PFDN1: variants seen among roughly 807,000 people sequenced by gnomAD.
The protein encoded by PFDN1 is prefoldin subunit 1.
Under a neutral mutation model 17.3 loss-of-function variants are expected in PFDN1, and 6 were observed. That is an observed-to-expected ratio of 0.35 (90% CI 0.19 to 0.69). The LOEUF is 0.69. PFDN1 is among the 30% of genes least tolerant of loss of function. The probability of loss-of-function intolerance (pLI) is 0.65; values close to 1 mark genes in which losing one functional copy is unlikely to be tolerated. For synonymous variants in PFDN1, 58 were observed against 50.1 expected, an observed-to-expected ratio of 1.16 and a Z score of -0.67; for missense variants, 113 against 146.2, an observed-to-expected ratio of 0.77 and a Z score of 1.17.
intron 1 of PFDN1, among the ~76,000 whole-genome samples, chr5:140,300,941 A>G (rs1350214554): frequency 6.6e-6 from 1 of 152,216 alleles, no homozygotes; most frequent in Non-Finnish European, 1.5e-5. Context: ...GTATTGCACA[A>G]TTAGGTTTCA....
rs1246326995 is a variant in PFDN1 at position 140,273,748 on chromosome 5, G to A, written c.285+7701C>T. ...CTGCATCAGAAGTGGCGCTAAGCACGCCAGACTGTCCTAGGTTTCCTTATT... is the reference window on the plus strand; with the variant it reads ...CTGCATCAGAAGTGGCGCTAAGCACACCAGACTGTCCTAGGTTTCCTTATT... On this transcript the variant is annotated intron_variant, in intron 3 of 3. Coordinates refer to ENST00000261813, the MANE Select transcript of PFDN1 (RefSeq NM_002622.5). 11 of 197,906 alleles carry A rather than the reference G, an allele frequency of 5.6e-5. No homozygotes were observed. In the East Asian group the frequency reaches 1.1e-3, roughly 20 times the overall value. 12.3% of individuals were successfully genotyped at this position (197,906 alleles called of 1,614,324 possible). A position where few individuals can be genotyped will look rare whatever the true frequency, so the allele number is the denominator to read the frequency against.
intron 3 of PFDN1, among the ~76,000 whole-genome samples, chr5:140,251,036 G>A (rs900020929): frequency 6.6e-6 from 1 of 152,074 alleles, no homozygotes; most frequent in African/African-American, 2.4e-5. Context: ...CCAGGTTTAA[G>A]CAATTCTCCC....
intron 3 of PFDN1, among the ~76,000 whole-genome samples, chr5:140,260,611 T>A (rs139850205): frequency 1.3e-5 from 2 of 149,610 alleles, no homozygotes; most frequent in Non-Finnish European, 3.0e-5. Context: ...TACTAGATGA[T>A]CCATTTATAA....
At chr5:140,298,953 G>A (rs1765694666) in intron 2 of PFDN1, among the ~76,000 whole-genome samples, 1 of 152,052 alleles carries the variant, frequency 6.6e-6, no homozygotes. Context: ...GTTTCACCAT[G>A]TTGGCCAGGC....
At chr5:140,263,747 C>T (rs938688560) in intron 3 of PFDN1, among the ~76,000 whole-genome samples, 10 of 151,902 alleles carry the variant, frequency 6.6e-5, no homozygotes, top group African/African-American at 1.2e-4. Context: ...AGGAGCCGGG[C>T]GTGGTGGCTC....
In PFDN1 at chr5:140,245,901, T is replaced by C; in HGVS notation, c.*73A>G. On this transcript the variant is annotated 3_prime_UTR_variant, in exon 4 of 4. Coordinates refer to ENST00000261813, the MANE Select transcript of PFDN1 (RefSeq NM_002622.5). Reference sequence around the variant, plus strand: ...ATCCATCGGGGCAGAGGAGAAGCTGTTTCCCTGCAGACACTCCTCTGCCCC... The same window carrying C: ...ATCCATCGGGGCAGAGGAGAAGCTGCTTCCCTGCAGACACTCCTCTGCCCC... 3 of 837,578 alleles carry C rather than the reference T, an allele frequency of 3.6e-6. No individual in the cohort carries two copies. Among genetic ancestry groups the C allele is most frequent in the East Asian group, 2.7e-5 (1 of 37,724 alleles). The allele number at this position is 837,578 out of a possible 1,614,324, so 51.9% of individuals were successfully genotyped here.
rs780162595 is a variant in PFDN1 at position 140,245,930 on chromosome 5, C to T, written c.*44G>A. On this transcript the variant is annotated 3_prime_UTR_variant, in exon 4 of 4. Transcript: ENST00000261813. ...CCTGCAGACACTCCTCTGCCCCCACCAGGAATGGGAGGGGCAGGAGGAAGA... is the reference window on the plus strand; with the variant it reads ...CCTGCAGACACTCCTCTGCCCCCACTAGGAATGGGAGGGGCAGGAGGAAGA... 1 of 1,130,288 alleles carries T rather than the reference C, an allele frequency of 8.8e-7. No individual in the cohort carries two copies. Among genetic ancestry groups the T allele is most frequent in the African/African-American group, 1.5e-5 (1 of 64,878 alleles). The allele number at this position is 1,130,288 out of a possible 1,614,324, so 70.0% of individuals were successfully genotyped here. A position where few individuals can be genotyped will look rare whatever the true frequency, so the allele number is the denominator to read the frequency against.
At chr5:140,280,014 C>CCAAAAAAAAAAAAAAAAAAAAAAAAAA (rs1335205089) in intron 3 of PFDN1, among the ~76,000 whole-genome samples, 19 of 99,116 alleles carry the variant, frequency 1.9e-4, no homozygotes, top group African/African-American at 6.0e-4. Context: ...AAAAAAAAAA[C>CCAAAAAAAAAAAAAAAAAAAAAAAAAA]AAAAAAAGAA....
At chr5:140,289,421 T>C (rs1287245105) in intron 2 of PFDN1, among the ~76,000 whole-genome samples, 1 of 152,230 alleles carries the variant, frequency 6.6e-6, no homozygotes, top group Non-Finnish European at 1.5e-5. Context: ...TACAGATCAC[T>C]GTATGCTCAA....
At chr5:140,302,556 C>T (rs1765764596) in intron 1 of PFDN1, among the ~76,000 whole-genome samples, 1 of 152,148 alleles carries the variant, frequency 6.6e-6, no homozygotes, top group Non-Finnish European at 1.5e-5. Flanking sequence ...TGCTACAATG[C>T]TTGGTTTTCC....
chr5:140,257,485 G>A (rs978942718), intron 3 of PFDN1, among the ~76,000 whole-genome samples: 1 of 152,172 alleles, frequency 6.6e-6, no homozygotes, highest in Admixed American at 6.5e-5. Context: ...GTGGCTGTCT[G>A]CTTCTTTTCA....
chr5:140,269,279 C>G (rs1224693409), intron 3 of PFDN1, among the ~76,000 whole-genome samples: 2 of 150,856 alleles, frequency 1.3e-5, no homozygotes, highest in African/African-American at 4.9e-5. Context: ...TCCCAAAGTG[C>G]TGGGATTATA....
intron 2 of PFDN1, among the ~76,000 whole-genome samples, chr5:140,297,934 TACA>T (rs1420620217): frequency 6.6e-6 from 1 of 152,200 alleles, no homozygotes; most frequent in Non-Finnish European, 1.5e-5. Context: ...GAAATCCAAG[TACA>T]ACATGTTAAT....
chr5:140,246,359 T>G (rs1243425113), intron 3 of PFDN1, among the ~76,000 whole-genome samples: 1 of 152,194 alleles, frequency 6.6e-6, no homozygotes, highest in Non-Finnish European at 1.5e-5. Flanking sequence ...TCTCAGTACA[T>G]GAAGTTATCC....
intron 3 of PFDN1, among the ~76,000 whole-genome samples, chr5:140,262,311 C>A (rs6867870): frequency 0.47 from 71,862 of 151,992 alleles, 17,230 homozygotes; most frequent in South Asian, 0.71. Context: ...CATTTCTTTC[C>A]GAGTAAAAGT....
chr5:140,293,787 TCTCCTCTCCCCAGA>T (rs1353390402), intron 2 of PFDN1, among the ~76,000 whole-genome samples: 1 of 151,972 alleles, frequency 6.6e-6, no homozygotes, highest in Admixed American at 6.6e-5. Context: ...GACTTAAAAA[TCTCCTCTCCCCAGA>T]GTACTAAATC....
intron 1 of PFDN1, among the ~76,000 whole-genome samples, chr5:140,300,979 A>AT (rs1321633371): frequency 6.6e-6 from 1 of 152,252 alleles, no homozygotes; most frequent in Non-Finnish European, 1.5e-5. Context: ...AGTTTGAAAT[A>AT]TTAACATGGG....
intron 2 of PFDN1, among the ~76,000 whole-genome samples, chr5:140,287,581 G>T (rs1352619722): frequency 3.9e-5 from 6 of 152,056 alleles, no homozygotes; most frequent in Non-Finnish European, 8.8e-5. Context: ...GAAAATACAA[G>T]ATGAACCTGG....
chr5:140,257,766 G>A (rs948336797), intron 3 of PFDN1, among the ~76,000 whole-genome samples: 1 of 152,220 alleles, frequency 6.6e-6, no homozygotes, highest in African/African-American at 2.4e-5. Context: ...ACCAACAGTA[G>A]AGAAGCGAAC....
Sources: allele counts gnomAD v4.1 joint callset (sites outside exome capture counted in the v4.1 genomes callset), GRCh38; gene constraint gnomAD v4.1.1; transcripts MANE v1.5; gene names NCBI Gene and HGNC (gene_info 2026-07-23, HGNC 2026-07-21).